SMG6: variants seen among roughly 807,000 people sequenced by gnomAD.
SMG6 encodes telomerase-binding protein EST1A.
Under a neutral mutation model 142.2 loss-of-function variants are expected in SMG6, and 66 were observed. The ratio of observed to expected loss-of-function variants is 0.46; its 90% CI spans 0.38 to 0.57. SMG6 has a LOEUF of 0.57. Among genes scored for constraint, SMG6 ranks in the 20% least tolerant of loss-of-function variants. SMG6 has a pLI of 0.00. For missense variants in SMG6, 1,793 were observed against 1,832.0 expected (o/e 0.98, Z 0.39); for synonymous variants, 779 against 702.4 (o/e 1.11, Z -1.72).
intron 13 of SMG6, among the ~76,000 whole-genome samples, chr17:2,100,894 C>T (rs1303624382): frequency 6.6e-6 from 1 of 151,654 alleles, no homozygotes; most frequent in Non-Finnish European, 1.5e-5. Context: ...TCAAGAGATC[C>T]CCCTGCTTCA....
intron 8 of SMG6, among the ~76,000 whole-genome samples, chr17:2,265,234 T>C (rs563881042): frequency 1.1e-4 from 17 of 152,208 alleles, no homozygotes; most frequent in Admixed American, 8.5e-4. Flanking sequence ...AATGAAGAAC[T>C]GTCGGCCGGG....
At chr17:2,084,575 C>T (rs753522931) in intron 14 of SMG6, among the ~76,000 whole-genome samples, 5 of 152,190 alleles carry the variant, frequency 3.3e-5, no homozygotes, top group Non-Finnish European at 5.9e-5. Flanking sequence ...AGATCACAAA[C>T]GACAGCTTCC....
rs551916533 is a variant in SMG6, at chr17:2,160,928, G to A, written c.3357+11730C>T. On this transcript the variant is annotated intron_variant, in intron 13 of 18. Coordinates refer to ENST00000263073, the MANE Select transcript of SMG6 (RefSeq NM_017575.5). Reference sequence around the variant, plus strand: ...ATATTAGTAAAGAAAACTAAAAAGGGTGAGACAAAAAGTACCAGGGCAGAA... The same window carrying A: ...ATATTAGTAAAGAAAACTAAAAAGGATGAGACAAAAAGTACCAGGGCAGAA... 1.1e-4 allele frequency among the ~76,000 whole-genome samples: 17 copies of A among 151,944 alleles called. No homozygotes were observed. The East Asian group carries it at 2.9e-3, about 26-fold the overall frequency.
Position 2,299,835 on chromosome 17 carries a change from C to T in SMG6, c.918G>A (p.Glu306=), listed in dbSNP as rs2075233696. 1.9e-6 allele frequency: 3 copies of T among 1,614,170 alleles called. No individual in the cohort carries two copies. The highest frequency in any genetic ancestry group is 1.7e-6 in the Non-Finnish European group (2 of 1,180,012). ...VSVSSTDSLD[E]DRIDEPDGLG... ...ATCCATCAGGCTCATCAATTCTGTC[C>T]TCGTCTAAGGAATCGGTTGAGGACA... Residue 306 remains glutamate (E), a synonymous_variant, in exon 2 of 19, where the codon GAG becomes GAA. Transcript: ENST00000263073. This position sits in a 1 kb window ranked among gnomAD's most constrained non-coding sequence, Gnocchi z 4.3.
Position 2,068,922 on chromosome 17 carries a change from C to A in SMG6, c.3691G>T (p.Glu1231Ter). Reference protein sequence around the residue: ...RRQEKIQAVLEDHSQMRQMEL... With the variant: ...RRQEKIQAVL ...ATCTGCCTCATCTGACTGTGGTCCT[C>A]CAGGACAGCCTATGGGGACAGAGTG... The change falls in exon 16 of 19, where the codon GAG becomes TAG. Residue 1231 changes from glutamate to a stop codon, truncating the protein, a stop_gained. Transcript: ENST00000263073. LOFTEE classifies it high-confidence loss of function. This position sits in a 1 kb window ranked among gnomAD's most constrained non-coding sequence, Gnocchi z 6.7. The A allele has an allele frequency of 6.2e-7, 1 of 1,614,092 alleles. No individual in the cohort carries two copies.
chr17:2,267,872 C>T (rs1220672815), intron 8 of SMG6, among the ~76,000 whole-genome samples: 3 of 151,664 alleles, frequency 2.0e-5, no homozygotes, highest in Non-Finnish European at 4.4e-5. Context: ...CTCAACCTCC[C>T]GAGTAGATGG....
chr17:2,152,006 T>C (rs1565763), intron 13 of SMG6, among the ~76,000 whole-genome samples: 51,636 of 152,020 alleles, frequency 0.34, 9,337 homozygotes, highest in African/African-American at 0.46. Flanking sequence ...TTGGGAATGA[T>C]TACTTATCAA....
At position 2,162,460 on chromosome 17, in the gene SMG6, G is replaced by A. The variant is rs533356840; in HGVS notation, c.3357+10198C>T. 4.4e-5 allele frequency among the ~76,000 whole-genome samples: 6 copies of A among 135,974 alleles called. No individual in the cohort carries two copies. The East Asian group carries it at 1.4e-3, about 31-fold the overall frequency. The allele number at this position is 135,974 out of a possible 152,430, so 89.2% of individuals were successfully genotyped here. A position where few individuals can be genotyped will look rare whatever the true frequency, so the allele number is the denominator to read the frequency against. On this transcript the variant is annotated intron_variant, in intron 13 of 18. Coordinates refer to ENST00000263073, the MANE Select transcript of SMG6 (RefSeq NM_017575.5). ...ACCCAGGAGGTGGAGCTTGCAATAA[G>A]CCCAGATTGCACCACTGCACTCCAG...
At chr17:2,210,817 T>C (rs1206950757) in intron 10 of SMG6, among the ~76,000 whole-genome samples, 1 of 143,196 alleles carries the variant, frequency 7.0e-6, no homozygotes. Flanking sequence ...AGACACATAA[T>C]GAGTGCTTAA....
At chr17:2,150,718 G>A (rs2070800890) in intron 13 of SMG6, among the ~76,000 whole-genome samples, 1 of 152,160 alleles carries the variant, frequency 6.6e-6, no homozygotes, top group Admixed American at 6.5e-5. Context: ...AATCACAAAA[G>A]ATCTCTGCCT....
chr17:2,067,219 C>G lies in SMG6; in HGVS notation c.3836-1540G>C, dbSNP rs530429968. The stretch of plus-strand genomic sequence containing the variant: ...TGCGTTTGCTCCCTCCCCACCGAAT[C>G]CGGATTTCCTTACTAAACCCTAAGC... On this transcript the variant is annotated intron_variant, in intron 16 of 18. Transcript: ENST00000263073. Among the ~76,000 whole-genome samples the G allele has an allele frequency of 1.1e-3, 171 of 152,300 alleles. 1 individual carries two copies. Among genetic ancestry groups the G allele is most frequent in the African/African-American group, 3.7e-3 (153 of 41,566 alleles).
At chr17:2,261,172 G>A (rs1162626477) in intron 8 of SMG6, among the ~76,000 whole-genome samples, 1 of 151,632 alleles carries the variant, frequency 6.6e-6, no homozygotes, top group Non-Finnish European at 1.5e-5. Context: ...AAATTAGCCA[G>A]GTGTGGTGGC....
At chr17:2,201,635 C>T (rs149504389) in intron 10 of SMG6, among the ~76,000 whole-genome samples, 159 of 149,040 alleles carry the variant, frequency 1.1e-3, no homozygotes, top group African/African-American at 3.5e-3. Flanking sequence ...GCCGAGACCA[C>T]GCCACTGCAC....
chr17:2,247,171 C>T (rs1432326083), intron 8 of SMG6, among the ~76,000 whole-genome samples: 1 of 152,176 alleles, frequency 6.6e-6, no homozygotes, highest in Non-Finnish European at 1.5e-5. Flanking sequence ...TCTAAATGCT[C>T]GCTTGACCTG....
At chr17:2,151,885 G>A (rs2070837643) in intron 13 of SMG6, among the ~76,000 whole-genome samples, 2 of 152,216 alleles carry the variant, frequency 1.3e-5, no homozygotes, top group South Asian at 2.1e-4. Flanking sequence ...GCAGAACCCT[G>A]TGTGTCAGAA....
intron 9 of SMG6, among the ~76,000 whole-genome samples, chr17:2,243,894 C>G (rs2073870109): frequency 6.6e-6 from 1 of 152,192 alleles, no homozygotes; most frequent in Non-Finnish European, 1.5e-5. Flanking sequence ...CTACTACTTT[C>G]TTCACTCTCC....
At chr17:2,092,400 CTG>C (rs2151453057) in intron 13 of SMG6, among the ~76,000 whole-genome samples, 1 of 152,292 alleles carries the variant, frequency 6.6e-6, no homozygotes, top group East Asian at 1.9e-4. Flanking sequence ...GTCCCAACAG[CTG>C]TGTTTTCTTC....
intron 10 of SMG6, among the ~76,000 whole-genome samples, chr17:2,210,503 T>C (rs73296796): frequency 6.6e-6 from 1 of 151,788 alleles, no homozygotes; most frequent in Non-Finnish European, 1.5e-5. Flanking sequence ...CCAAAGTTCA[T>C]GAAAAAGATC....
intron 8 of SMG6, 85 bp from the exon 9 acceptor site, chr17:2,244,804 C>T (rs2073892610): frequency 1.7e-6 from 2 of 1,174,606 alleles, no homozygotes; most frequent in Non-Finnish European, 2.5e-6. Context: ...GACACAATAA[C>T]CTGGCCAGGG....
Sources: gnomAD v4.1 joint callset for allele counts (sites outside exome capture counted in the v4.1 genomes callset) on GRCh38, gnomAD v4.1.1 for gene constraint, Gnocchi (gnomAD v3.1) non-coding constraint, MANE v1.5 for transcripts, NCBI Gene and HGNC (gene_info 2026-07-23, HGNC 2026-07-21) for gene names.